The following LCTL variants were observed in gnomAD, a reference collection of about 807,000 sequenced individuals.
LCTL encodes lactase like.
In LCTL, 76 loss-of-function variants were observed where a neutral mutation model predicts 75.8. The observed-to-expected ratio is 1.00, with a 90% CI of 0.83 to 1.21. The LOEUF (loss-of-function observed/expected upper bound fraction) is 1.21. Among genes scored for constraint, LCTL ranks in the 50% most tolerant of loss-of-function variants. The probability of loss-of-function intolerance (pLI) is 0.00; values close to 1 mark genes in which losing one functional copy is unlikely to be tolerated. For missense variants in LCTL, 670 were observed against 712.4 expected, an observed-to-expected ratio of 0.94 and a Z score of 0.68; for synonymous variants, 271 against 268.8, an observed-to-expected ratio of 1.01 and a Z score of -0.08.
exon 1 of LCTL, chr15:66,565,329 G>A (rs1398167742): frequency 3.7e-6 from 6 of 1,613,552 alleles, no homozygotes; most frequent in Non-Finnish European, 4.2e-6. Flanking sequence ...ACCAGCAGTA[G>A]CATCCACAGA....
Position 66,564,858 on chromosome 15 carries a change from G to C in LCTL, c.119-19C>G. 6.2e-7 allele frequency: 1 copy of C among 1,605,202 alleles called. No homozygotes were observed. The highest frequency in any genetic ancestry group is 8.5e-7 in the Non-Finnish European group (1 of 1,178,398). Reference sequence around the variant, plus strand: ...GAGAAGCCTGCAGGGGGAGACCCGTGCTGGGTCCCAGGTGCTCCCATGTGT... The same window carrying C: ...GAGAAGCCTGCAGGGGGAGACCCGTCCTGGGTCCCAGGTGCTCCCATGTGT... On this transcript the variant is annotated intron_variant, in intron 1 of 12. Transcript: ENST00000341509.
chr15:66,560,876 C>T, intron 6 of LCTL, 130 bp downstream of exon 7: 1 of 739,658 alleles, frequency 1.4e-6, no homozygotes, highest in Non-Finnish European at 2.2e-6. Context: ...TAAATCGTCA[C>T]AGAAGGGAAG....
chr15:66,561,995 T>C (rs1295089149), intron 4 of LCTL, among the ~76,000 whole-genome samples: 2 of 152,078 alleles, frequency 1.3e-5, no homozygotes, highest in Non-Finnish European at 2.9e-5. Flanking sequence ...CCGAACTGCT[T>C]GCCCAGCTTC....
At chr15:66,548,722 T>C in intron 12 of LCTL, 117 bp from the exon 14 acceptor site, 1 of 487,490 alleles carries the variant, frequency 2.1e-6, no homozygotes, top group South Asian at 4.4e-5. Context: ...CATCCTCAAA[T>C]TTTCTGATTC....
intron 6 of LCTL, among the ~76,000 whole-genome samples, chr15:66,559,897 G>A (rs1374456110): frequency 1.3e-5 from 2 of 151,996 alleles, no homozygotes; most frequent in East Asian, 3.9e-4. Flanking sequence ...GACCAGCCTG[G>A]CCAACATGGT....
Position 66,563,640 on chromosome 15 carries a change from A to G in LCTL, c.371-15T>C, listed in dbSNP as rs1895950305. 6.4e-7 allele frequency: 1 copy of G among 1,564,338 alleles called. No individual in the cohort carries two copies. On this transcript the variant is annotated splice_polypyrimidine_tract_variant and intron_variant, in intron 3 of 12. Transcript: ENST00000341509. Reference sequence around the variant, plus strand: ...CACCTGCTCGGCTGCAGGTGAAATAAAAGAAGATGCTACCAGAAAGGACCT... The same window carrying G: ...CACCTGCTCGGCTGCAGGTGAAATAGAAGAAGATGCTACCAGAAAGGACCT...
At position 66,550,225 on chromosome 15, in the gene LCTL, G is replaced by A. The variant is rs113319648; in HGVS notation, c.1525-121C>T. The A allele has an allele frequency of 3.7e-5, 23 of 617,076 alleles. 2 individuals carry two copies. The highest frequency in any genetic ancestry group is 2.5e-4 in the African/African-American group (13 of 52,976). 38.2% of individuals were successfully genotyped at this position (617,076 alleles called of 1,614,324 possible). ...TTTTTAAAATCTATCTGTAGTTTAT[G>A]TTTTTAAATCATTTTGTAGTTTAAA... On this transcript the variant is annotated intron_variant, in intron 11 of 12. Transcript: ENST00000341509.
At chr15:66,563,575 C>G (rs1895947970) in exon 4 of LCTL, 1 of 1,612,602 alleles carries the variant, frequency 6.2e-7, no homozygotes, top group Non-Finnish European at 8.5e-7. Context: ...CTCAGAAGGG[C>G]ATCGATAAGA....
At chr15:66,563,762 C>T in intron 3 of LCTL, 137 bp from the exon 5 acceptor site, 3 of 830,642 alleles carry the variant, frequency 3.6e-6, no homozygotes, top group Admixed American at 2.2e-5. Flanking sequence ...TCTGGGAGCC[C>T]AGTTACCTGC....
chr15:66,565,741 C>T (rs141921616), upstream of LCTL: 459 of 201,576 alleles, frequency 2.3e-3, 1 homozygote, highest in African/African-American at 0.01. Flanking sequence ...GCTCTCCCAA[C>T]GACACGCAGA....
intron 6 of LCTL, among the ~76,000 whole-genome samples, chr15:66,558,278 G>A (rs1895790892): frequency 6.6e-6 from 1 of 152,150 alleles, no homozygotes; most frequent in Non-Finnish European, 1.5e-5. Context: ...TCGTTTTTAA[G>A]ATTTTTGCTA....
intron 6 of LCTL, among the ~76,000 whole-genome samples, chr15:66,560,633 T>C (rs979753101): frequency 1.2e-4 from 19 of 152,210 alleles, no homozygotes; most frequent in African/African-American, 4.6e-4. Flanking sequence ...TGACCACTTC[T>C]AACTCCTCTT....
intron 8 of LCTL, among the ~76,000 whole-genome samples, chr15:66,553,746 C>A (rs1895675356): frequency 6.9e-6 from 1 of 144,562 alleles, no homozygotes; most frequent in Non-Finnish European, 1.5e-5. Context: ...CAGAGCGAGA[C>A]TCCATCTCAA....
intron 1 of LCTL, 56 bp downstream of exon 2, chr15:66,565,192 A>G: frequency 8.4e-7 from 1 of 1,183,608 alleles, no homozygotes; most frequent in South Asian, 1.2e-5. Flanking sequence ...CAAGTCAGCC[A>G]AAGTGGGCAG....
intron 4 of LCTL, among the ~76,000 whole-genome samples, chr15:66,561,709 G>A (rs1187482287): frequency 2.6e-5 from 4 of 152,130 alleles, no homozygotes; most frequent in Admixed American, 2.0e-4. Context: ...TCACTGTATC[G>A]AGACTACCTG....
At chr15:66,555,977 G>T (rs970577532) in intron 8 of LCTL, among the ~76,000 whole-genome samples, 1 of 152,106 alleles carries the variant, frequency 6.6e-6, no homozygotes. Context: ...ACACCCATTG[G>T]GATAGCCATT....
intron 8 of LCTL, among the ~76,000 whole-genome samples, chr15:66,555,288 A>C (rs929870717): frequency 6.6e-6 from 1 of 151,610 alleles, no homozygotes; most frequent in African/African-American, 2.4e-5. Flanking sequence ...TGAATTTTTA[A>C]TTTTAATTTT....
intron 4 of LCTL, among the ~76,000 whole-genome samples, chr15:66,562,619 T>C (rs376791104): frequency 3.3e-5 from 5 of 151,814 alleles, no homozygotes; most frequent in Admixed American, 2.0e-4. Flanking sequence ...AATTTCATTC[T>C]CATTGCCCAG....
intron 9 of LCTL, among the ~76,000 whole-genome samples, chr15:66,552,531 CGTG>C (rs1171918010): frequency 1.3e-5 from 2 of 151,946 alleles, no homozygotes; most frequent in Non-Finnish European, 2.9e-5. Context: ...ATTAGCCAGG[CGTG>C]GTGGCATACG....
Sources: gnomAD v4.1 joint callset for allele counts (sites outside exome capture counted in the v4.1 genomes callset) on GRCh38, gnomAD v4.1.1 for gene constraint, MANE v1.5 for transcripts, NCBI Gene and HGNC (gene_info 2026-07-23, HGNC 2026-07-21) for gene names.